TBC1D1: variants seen among roughly 807,000 people sequenced by gnomAD.
TBC1D1 encodes the protein TBC1 (tre-2/USP6, BUB2, cdc16) domain family, member 1.
Under a neutral mutation model 125.6 loss-of-function variants are expected in TBC1D1, and 89 were observed. The ratio of observed to expected loss-of-function variants is 0.71; its 90% CI spans 0.60 to 0.85. TBC1D1 has a LOEUF of 0.85. TBC1D1 is among the 40% of genes least tolerant of loss of function. The pLI, the probability that TBC1D1 is intolerant of heterozygous loss-of-function variation, is 0.00. For synonymous variants in TBC1D1, 565 were observed against 564.1 expected (o/e 1.00, Z -0.02); for missense variants, 1,377 against 1,469.2 (o/e 0.94, Z 1.03).
At chr4:38,033,925 T>C (rs1746706570) in intron 7 of TBC1D1, among the ~76,000 whole-genome samples, 1 of 152,252 alleles carries the variant, frequency 6.6e-6, no homozygotes, top group African/African-American at 2.4e-5. Context: ...ACAGTTTCTT[T>C]ACCCATTTGC....
intron 2 of TBC1D1, among the ~76,000 whole-genome samples, chr4:37,921,971 A>C (rs1280374599): frequency 5.9e-5 from 9 of 151,960 alleles, no homozygotes; most frequent in Admixed American, 5.9e-4. Flanking sequence ...TCCTGGCCTC[A>C]AGCTATCCTC....
Position 38,014,917 on chromosome 4 carries a change from G to C in TBC1D1, c.826G>C (p.Gly276Arg), listed in dbSNP as rs1429555304. The change falls in exon 3 of 20, where the codon GGA becomes CGA. Residue 276 changes from glycine (G) to arginine (R), a missense_variant. Transcript: ENST00000261439. The surrounding 1 kb of genome is among the most constrained non-coding windows in gnomAD (Gnocchi z 5.1). ...CGACATTGAGAACCACCTCATTAGC[G>C]GACACAATATTGTGCAGCCCACAGA... The C allele has an allele frequency of 6.3e-7, 1 of 1,592,280 alleles. No individual in the cohort carries two copies. Among genetic ancestry groups the C allele is most frequent in the South Asian group, 1.1e-5 (1 of 89,740 alleles).
intron 14 of TBC1D1, among the ~76,000 whole-genome samples, chr4:38,101,830 C>G (rs763614909): frequency 2.6e-5 from 4 of 152,192 alleles, no homozygotes; most frequent in African/African-American, 7.2e-5. Flanking sequence ...GCCAGCTGCT[C>G]TCTTCCACAT....
chr4:37,931,434 T>C (rs1011236876), intron 2 of TBC1D1, among the ~76,000 whole-genome samples: 1 of 151,880 alleles, frequency 6.6e-6, no homozygotes, highest in African/African-American at 2.4e-5. Context: ...TCTCAAAAAA[T>C]TCCTGAGAAT....
rs1380051545 is a variant in TBC1D1 at position 38,125,108 on chromosome 4, C to G, written c.3109C>G (p.Gln1037Glu). 6.2e-7 allele frequency: 1 copy of G among 1,614,104 alleles called. No individual in the cohort carries two copies. Among genetic ancestry groups the G allele is most frequent in the Non-Finnish European group, 8.5e-7 (1 of 1,180,012 alleles). ...CACGCTACCCAACCTTGGCTTGGTA[C>G]AGATGGAAAAGACCATCAATCAGGT... Residue 1037 changes from glutamine to glutamate, a missense_variant, in exon 18 of 20, where the codon CAG becomes GAG. Transcript: ENST00000261439.
At chr4:38,123,310 C>G (rs759343605) in intron 17 of TBC1D1, among the ~76,000 whole-genome samples, 9 of 152,196 alleles carry the variant, frequency 5.9e-5, no homozygotes, top group Non-Finnish European at 1.2e-4. Flanking sequence ...TCTAGGAAGT[C>G]TCACTGTGTA....
chr4:37,975,222 T>A (rs1324010740), intron 2 of TBC1D1, among the ~76,000 whole-genome samples: 4 of 152,160 alleles, frequency 2.6e-5, no homozygotes, highest in Non-Finnish European at 1.5e-5. Context: ...GGCCCTTCCC[T>A]GCCTGGCAGC....
chr4:37,911,372 A>G (rs1718601084), intron 2 of TBC1D1, among the ~76,000 whole-genome samples: 1 of 152,156 alleles, frequency 6.6e-6, no homozygotes, highest in South Asian at 2.1e-4. Flanking sequence ...GTGGTCTGTC[A>G]GCTTCAACCC....
intron 13 of TBC1D1, among the ~76,000 whole-genome samples, chr4:38,093,610 C>A (rs536139139): frequency 2.0e-5 from 3 of 151,366 alleles, no homozygotes; most frequent in African/African-American, 7.3e-5. Context: ...CTGCAACCTC[C>A]GCCTCCTGGG....
At chr4:38,110,432 A>C (rs1762016226) in intron 15 of TBC1D1, 4 of 985,420 alleles carry the variant, frequency 4.1e-6, no homozygotes, top group Non-Finnish European at 3.6e-6. Flanking sequence ...CCTCCAAGTG[A>C]TAAAGAAGGA....
chr4:38,114,676 T>G (rs1254015739), intron 15 of TBC1D1, among the ~76,000 whole-genome samples: 3 of 152,216 alleles, frequency 2.0e-5, no homozygotes, highest in Non-Finnish European at 4.4e-5. Context: ...GAAGAGGAAC[T>G]TGACAAGTAT....
At chr4:38,047,587 G>A (rs765975223) in intron 10 of TBC1D1, among the ~76,000 whole-genome samples, 3 of 152,088 alleles carry the variant, frequency 2.0e-5, no homozygotes, top group Non-Finnish European at 2.9e-5. Flanking sequence ...ACCACACACC[G>A]CCCCTTTCAT....
At chr4:38,015,151 T>C (rs570404813) in intron 3 of TBC1D1, among the ~76,000 whole-genome samples, 178 bp downstream of exon 3, 2 of 152,340 alleles carry the variant, frequency 1.3e-5, no homozygotes, top group Non-Finnish European at 2.9e-5. Context: ...CATAAGCCTT[T>C]ACAGTCATCA....
At chr4:38,136,458 G>A (rs1040835722) in intron 19 of TBC1D1, among the ~76,000 whole-genome samples, 15 of 152,262 alleles carry the variant, frequency 9.9e-5, no homozygotes, top group African/African-American at 2.4e-4. Context: ...GTTTCTTGAC[G>A]TAGTGATGTC....
At chr4:38,094,902 AT>A (rs1759071530) in intron 13 of TBC1D1, among the ~76,000 whole-genome samples, 3 of 151,856 alleles carry the variant, frequency 2.0e-5, no homozygotes, top group Admixed American at 6.6e-5. Flanking sequence ...AAAAAAAAAA[AT>A]CTAGGGTTGA....
intron 18 of TBC1D1, among the ~76,000 whole-genome samples, chr4:38,132,219 T>C (rs1040126455): frequency 1.3e-5 from 2 of 152,060 alleles, no homozygotes; most frequent in African/African-American, 4.8e-5. Flanking sequence ...TGGTCCCAGC[T>C]TGACTGCATT....
At chr4:38,105,799 A>G (rs138575623) in intron 15 of TBC1D1, among the ~76,000 whole-genome samples, 3 of 152,320 alleles carry the variant, frequency 2.0e-5, no homozygotes, top group East Asian at 3.9e-4. Context: ...AGAGTATTGC[A>G]TGGTGTCCAT....
chr4:38,090,889 A>G (rs1437091563), intron 13 of TBC1D1, among the ~76,000 whole-genome samples: 1 of 152,242 alleles, frequency 6.6e-6, no homozygotes, highest in African/African-American at 2.4e-5. Flanking sequence ...TTGGAATTAC[A>G]GTACATTTCA....
intron 2 of TBC1D1, among the ~76,000 whole-genome samples, chr4:37,905,612 C>T (rs1345884830): frequency 4.6e-5 from 7 of 152,228 alleles, no homozygotes; most frequent in Non-Finnish European, 1.0e-4. Context: ...TCTGCTAAAG[C>T]TTTGGCTAAC....
Sources: allele counts gnomAD v4.1 joint callset (sites outside exome capture counted in the v4.1 genomes callset), GRCh38; gene constraint gnomAD v4.1.1; non-coding constraint Gnocchi (gnomAD v3.1); transcripts MANE v1.5; gene names NCBI Gene and HGNC (gene_info 2026-07-23, HGNC 2026-07-21).